Variants in ARHGAP15 observed in about 807,000 individuals in gnomAD.
ARHGAP15 encodes Rho GTPase activating protein 15, also known as rho GTPase-activating protein 15.
In ARHGAP15, 51 loss-of-function variants were observed where a neutral mutation model predicts 63.7. That is an observed-to-expected ratio of 0.80 (90% CI 0.64 to 1.01). ARHGAP15 has a LOEUF of 1.01. Among genes scored for constraint, ARHGAP15 ranks in the 50% least tolerant of loss-of-function variants. ARHGAP15 has a pLI of 0.00. For missense variants in ARHGAP15, 560 were observed against 564.6 expected, an observed-to-expected ratio of 0.99 and a Z score of 0.08; for synonymous variants, 191 against 193.8, an observed-to-expected ratio of 0.99 and a Z score of 0.12.
chr2:143,269,504 A>G (rs1681162506), intron 6 of ARHGAP15, among the ~76,000 whole-genome samples: 1 of 152,200 alleles, frequency 6.6e-6, no homozygotes, highest in Non-Finnish European at 1.5e-5. Context: ...TCAATGAGTC[A>G]TCCTTCATTA....
At chr2:143,336,007 TTA>T (rs1397205093) in intron 6 of ARHGAP15, among the ~76,000 whole-genome samples, 2 of 137,606 alleles carry the variant, frequency 1.5e-5, no homozygotes, top group Admixed American at 2.0e-4. Flanking sequence ...ATTTTGTAGT[TTA>T]TTTTTTTTGA....
At chr2:143,195,327 C>G (rs1691849348) in intron 2 of ARHGAP15, among the ~76,000 whole-genome samples, 1 of 152,048 alleles carries the variant, frequency 6.6e-6, no homozygotes, top group African/African-American at 2.4e-5. Flanking sequence ...TTATCATACA[C>G]TAATAAGGAA....
At chr2:143,294,099 T>TTCCTAC (rs1183117986) in intron 6 of ARHGAP15, among the ~76,000 whole-genome samples, 3 of 152,038 alleles carry the variant, frequency 2.0e-5, no homozygotes, top group Non-Finnish European at 4.4e-5. Flanking sequence ...CATAACTGAA[T>TTCCTAC]TCCTACTCAA....
At chr2:143,555,334 G>C (rs1440981883) in intron 10 of ARHGAP15, among the ~76,000 whole-genome samples, 1 of 152,050 alleles carries the variant, frequency 6.6e-6, no homozygotes, top group Admixed American at 6.6e-5. Flanking sequence ...ATTTAATACT[G>C]TTGTGAATTA....
chr2:143,634,533 T>TAATC (rs1559092938), intron 12 of ARHGAP15, among the ~76,000 whole-genome samples: 2 of 152,174 alleles, frequency 1.3e-5, no homozygotes, highest in Admixed American at 6.5e-5. Context: ...TATTAGAATA[T>TAATC]AATCAGAGTG....
At chr2:143,560,671 G>T (rs567789747) in intron 11 of ARHGAP15, among the ~76,000 whole-genome samples, 52 of 152,262 alleles carry the variant, frequency 3.4e-4, no homozygotes, top group African/African-American at 1.2e-3. Context: ...GAGTACTACC[G>T]TTGGAGTTTT....
rs1259005028 is a variant in ARHGAP15, at chr2:143,323,165, T to C, written c.474+72565T>C. On this transcript the variant is annotated intron_variant, in intron 6 of 13. Coordinates refer to ENST00000295095, the MANE Select transcript of ARHGAP15 (RefSeq NM_018460.4). ...GTAGATAAGCTACGTTTATGTTATG[T>C]GTGAGAGTGTTTCACAGATTGAGAA... 2.0e-5 allele frequency among the ~76,000 whole-genome samples: 3 copies of C among 152,242 alleles called. No homozygotes were observed. In the South Asian group the frequency reaches 6.2e-4, roughly 32 times the overall value.
At chr2:143,636,276 A>G (rs912891383) in intron 12 of ARHGAP15, among the ~76,000 whole-genome samples, 2 of 152,182 alleles carry the variant, frequency 1.3e-5, no homozygotes, top group African/African-American at 4.8e-5. Context: ...GCACAATGGT[A>G]ACATTATTCT....
chr2:143,531,507 A>G (rs1031846142), intron 10 of ARHGAP15, among the ~76,000 whole-genome samples: 2 of 152,334 alleles, frequency 1.3e-5, no homozygotes, highest in African/African-American at 4.8e-5. Flanking sequence ...TTTATAGGGT[A>G]AGAAAAAAGA....
intron 3 of ARHGAP15, among the ~76,000 whole-genome samples, chr2:143,215,223 A>C (rs980374687): frequency 1.3e-5 from 2 of 152,170 alleles, no homozygotes; most frequent in African/African-American, 2.4e-5. Context: ...GATGGCAGAG[A>C]AATCATGGAA....
intron 1 of ARHGAP15, among the ~76,000 whole-genome samples, chr2:143,134,890 A>G (rs2104980935): frequency 6.6e-6 from 1 of 151,720 alleles, no homozygotes. Context: ...GCCCACCTTG[A>G]CCTCCCAAAG....
intron 4 of ARHGAP15, among the ~76,000 whole-genome samples, chr2:143,219,881 T>G (rs546293637): frequency 2.2e-4 from 33 of 152,252 alleles, no homozygotes; most frequent in Non-Finnish European, 4.0e-4. Flanking sequence ...TTGACTATTT[T>G]CTATTGAGTT....
intron 6 of ARHGAP15, among the ~76,000 whole-genome samples, chr2:143,254,007 G>A (rs980553960): frequency 1.9e-4 from 29 of 152,076 alleles, no homozygotes; most frequent in African/African-American, 6.8e-4. Flanking sequence ...GAAACCTTTA[G>A]CAACTCAGCT....
At chr2:143,246,974 G>A (rs1044855558) in intron 5 of ARHGAP15, among the ~76,000 whole-genome samples, 29 of 152,180 alleles carry the variant, frequency 1.9e-4, no homozygotes, top group African/African-American at 6.0e-4. Context: ...GCCAGGTACT[G>A]TGGAATTTGC....
At chr2:143,733,199 T>C (rs769580806) in intron 13 of ARHGAP15, among the ~76,000 whole-genome samples, 2 of 152,122 alleles carry the variant, frequency 1.3e-5, no homozygotes, top group African/African-American at 4.8e-5. Context: ...GAGTACTTAT[T>C]ATCAAATCGT....
intron 11 of ARHGAP15, among the ~76,000 whole-genome samples, chr2:143,558,939 ACT>A (rs1695916424): frequency 1.3e-5 from 2 of 151,894 alleles, no homozygotes; most frequent in South Asian, 4.1e-4. Flanking sequence ...TTTCACAATT[ACT>A]CTCTTTCCTG....
chr2:143,538,450 CT>C (rs1436065209), intron 10 of ARHGAP15, among the ~76,000 whole-genome samples: 21 of 152,316 alleles, frequency 1.4e-4, no homozygotes, highest in African/African-American at 4.8e-4. Flanking sequence ...GCATCCCTGT[CT>C]TGTGCCAGTT....
At chr2:143,498,186 T>C (rs1373585503) in intron 9 of ARHGAP15, among the ~76,000 whole-genome samples, 1 of 152,198 alleles carries the variant, frequency 6.6e-6, no homozygotes, top group Non-Finnish European at 1.5e-5. Flanking sequence ...ATTATTTTAT[T>C]TCAGGGGCCC....
intron 11 of ARHGAP15, among the ~76,000 whole-genome samples, chr2:143,598,480 G>A (rs1697618042): frequency 6.6e-6 from 1 of 152,166 alleles, no homozygotes; most frequent in African/African-American, 2.4e-5. Context: ...CTGTAAGGTG[G>A]CTAAAGGGAA....
Sources: gnomAD v4.1 joint callset for allele counts (sites outside exome capture counted in the v4.1 genomes callset) on GRCh38, gnomAD v4.1.1 for gene constraint, MANE v1.5 for transcripts, NCBI Gene and HGNC (gene_info 2026-07-23, HGNC 2026-07-21) for gene names.